Variants in RYR3 observed in about 807,000 individuals in gnomAD.
The protein encoded by RYR3 is ryanodine receptor 3.
A neutral mutation model predicts 584.3 loss-of-function variants in RYR3; 207 were observed. The ratio of observed to expected loss-of-function variants is 0.35; its 90% confidence interval spans 0.32 to 0.40. The LOEUF (loss-of-function observed/expected upper bound fraction) is 0.40, where lower values mean the gene tolerates loss of function less well. RYR3 is among the 10% of genes least tolerant of loss of function. The pLI, the probability that RYR3 is intolerant of heterozygous loss-of-function variation, is 1.00. For missense variants in RYR3, 5,616 were observed against 6,089.2 expected, an observed-to-expected ratio of 0.92 and a Z score of 2.59; for synonymous variants, 2,416 against 2,248.5, an observed-to-expected ratio of 1.07 and a Z score of -2.11.
rs771512839 is a variant in RYR3, at chr15:33,838,722, A to G, written c.12742A>G (p.Met4248Val). The change falls in exon 89 of 104, where the codon ATG becomes GTG. Residue 4248 changes from methionine to valine, a missense_variant. By Grantham distance (21) the Met-to-Val change is conservative. Transcript: ENST00000634891. ...PTQFGIHDDT[M>V]EAERAEVMEP... ...CCAATTTGGTATCCATGATGACACT[A>G]TGGAGGCTGAGAGGGCAGAGGTGAT... is the stretch of plus-strand genomic sequence containing the variant. 6.8e-6 allele frequency: 11 copies of G among 1,613,788 alleles called. No homozygotes were observed. Among genetic ancestry groups the G allele is most frequent in the Non-Finnish European group, 9.3e-6 (11 of 1,179,888 alleles).
chr15:33,501,310 G>C (rs2051965724), intron 2 of RYR3, among the ~76,000 whole-genome samples: 1 of 149,510 alleles, frequency 6.7e-6, no homozygotes, highest in South Asian at 2.1e-4. Context: ...CCTGTCTCCT[G>C]TCTCAAACCA....
At chr15:33,458,087 CA>C (rs1471277830) in intron 1 of RYR3, among the ~76,000 whole-genome samples, 1 of 152,078 alleles carries the variant, frequency 6.6e-6, no homozygotes. Flanking sequence ...AAGGGATGCC[CA>C]GATAGCTGGT....
intron 1 of RYR3, among the ~76,000 whole-genome samples, chr15:33,435,117 G>A (rs1207668526): frequency 6.6e-6 from 1 of 152,042 alleles, no homozygotes; most frequent in South Asian, 2.1e-4. Context: ...ACCGTGCCCT[G>A]CCATTTACAT....
intron 1 of RYR3, among the ~76,000 whole-genome samples, chr15:33,442,793 C>A (rs2046337930): frequency 6.6e-6 from 1 of 152,368 alleles, no homozygotes; most frequent in South Asian, 2.1e-4. Flanking sequence ...AGCCTCTGGA[C>A]AGCCAAAATA....
chr15:33,373,591 G>T (rs1450379642), intron 1 of RYR3, among the ~76,000 whole-genome samples: 1 of 152,142 alleles, frequency 6.6e-6, no homozygotes, highest in South Asian at 2.1e-4. Context: ...TGATACAATA[G>T]CTATTTCATA....
At chr15:33,707,883 T>A (rs183526532) in intron 43 of RYR3, among the ~76,000 whole-genome samples, 17 of 152,236 alleles carry the variant, frequency 1.1e-4, no homozygotes. Flanking sequence ...TGTGCTTTTC[T>A]TGTTGTCTCT....
intron 51 of RYR3, among the ~76,000 whole-genome samples, chr15:33,741,442 C>T (rs2070092903): frequency 1.3e-5 from 2 of 151,750 alleles, no homozygotes; most frequent in South Asian, 4.2e-4. Context: ...TTTGCCCAGT[C>T]ATATGCCCAT....
intron 75 of RYR3, 30 bp from the exon 76 acceptor site, chr15:33,818,548 C>A: frequency 6.5e-7 from 1 of 1,537,904 alleles, no homozygotes. Context: ...TAAATTCATG[C>A]CTAAAACCTA....
chr15:33,381,217 T>C (rs575312884), intron 1 of RYR3, among the ~76,000 whole-genome samples: 108 of 152,130 alleles, frequency 7.1e-4, no homozygotes, highest in Non-Finnish European at 1.2e-3. Context: ...TCTTAGAACA[T>C]TGGAGAGAAA....
chr15:33,668,154 A>G (rs1309556518), intron 36 of RYR3, among the ~76,000 whole-genome samples: 1 of 150,960 alleles, frequency 6.6e-6, no homozygotes, highest in African/African-American at 2.4e-5. Flanking sequence ...GAAAATACAA[A>G]AAAAAAAAAG....
intron 67 of RYR3, 127 bp downstream of exon 67, chr15:33,788,585 T>A: frequency 9.7e-7 from 1 of 1,032,188 alleles, no homozygotes; most frequent in Non-Finnish European, 1.4e-6. Context: ...GCCCCCACCA[T>A]TCTCCTTCCC....
chr15:33,649,225 G>T lies in RYR3; in HGVS notation c.4132G>T (p.Val1378Phe), dbSNP rs1459519676. Reference sequence around the variant, plus strand: ...CACCCTAGGGGATGAAAGAGGCCGGGTCCATGAAAGGTAAGGGGGCTCCCA... The same window carrying T: ...CACCCTAGGGGATGAAAGAGGCCGGTTCCATGAAAGGTAAGGGGGCTCCCA... Reference protein sequence around the residue: ...TVTLGDERGRVHESVKRSNCY... With the variant: ...TVTLGDERGRFHESVKRSNCY... Residue 1378 changes from valine (V) to phenylalanine (F), a missense_variant, in exon 31 of 104, where the codon GTC becomes TTC. This residue lies in a region of RYR3 where 753 missense variants were observed against 741.0 expected (regional missense o/e 1.02). Transcript: ENST00000634891. 2 of 1,612,158 alleles carry T rather than the reference G, an allele frequency of 1.2e-6. No homozygotes were observed. Among genetic ancestry groups the T allele is most frequent in the South Asian group, 2.2e-5 (2 of 91,010 alleles).
In RYR3 at chr15:33,336,520, AGGAG is replaced by A. The variant is rs1567047537; in HGVS notation, c.51+25428_51+25431del. Among the ~76,000 whole-genome samples, 13 of 75,788 alleles carry A rather than the reference AGGAG, an allele frequency of 1.7e-4. 2 individuals are homozygous for A. The highest frequency in any genetic ancestry group is 7.8e-4 in the African/African-American group (13 of 16,582). The allele number at this position is 75,788 out of a possible 152,430, so 49.7% of individuals were successfully genotyped here. A position where few individuals can be genotyped will look rare whatever the true frequency, so the allele number is the denominator to read the frequency against. On this transcript the variant is annotated intron_variant, in intron 1 of 103. Transcript: ENST00000634891. The stretch of plus-strand genomic sequence containing the variant: ...AAAGAAAGAAGGAGGGAAGGAGGGA[AGGAG>A]GGAAGGAGGGAAGGAGGGAAGGAGG...
Position 33,387,861 on chromosome 15 carries a change from CAAT to C in RYR3, c.51+76766_51+76768del, listed in dbSNP as rs369725053. The stretch of plus-strand genomic sequence containing the variant: ...TTGAGGCAGGTATAATAGAGAAAAA[CAAT>C]GATGGAGAATGTGAGAGAAAAGATA... On this transcript the variant is annotated intron_variant, in intron 1 of 103. Transcript: ENST00000634891. Among the ~76,000 whole-genome samples the C allele has an allele frequency of 2.2e-4, 34 of 151,816 alleles. 1 individual carries two copies. In the East Asian group the frequency reaches 6.0e-3, roughly 27 times the overall value.
chr15:33,791,997 A>AT (rs2075191007), intron 67 of RYR3, among the ~76,000 whole-genome samples: 2 of 152,138 alleles, frequency 1.3e-5, no homozygotes, highest in Non-Finnish European at 2.9e-5. Flanking sequence ...TGACCATGGG[A>AT]TTGCATACTG....
intron 1 of RYR3, among the ~76,000 whole-genome samples, chr15:33,377,236 T>A (rs1295394771): frequency 1.3e-5 from 2 of 152,180 alleles, no homozygotes; most frequent in Non-Finnish European, 2.9e-5. Context: ...CAGTAAAAGT[T>A]TGTTTCTTGC....
At chr15:33,734,179 T>C (rs4780168) in intron 48 of RYR3, among the ~76,000 whole-genome samples, 42,704 of 151,772 alleles carry the variant, frequency 0.28, 7,109 homozygotes, top group African/African-American at 0.47. Context: ...GAGATCTCCT[T>C]CCCAAACCAG....
chr15:33,594,193 A>G (rs1220960718), intron 16 of RYR3, among the ~76,000 whole-genome samples: 2 of 152,242 alleles, frequency 1.3e-5, no homozygotes, highest in Non-Finnish European at 2.9e-5. Flanking sequence ...TATTGGCTCC[A>G]TAAGTCAAGT....
chr15:33,845,192 C>T (rs1216000470), intron 93 of RYR3, 130 bp downstream of exon 93: 1 of 792,752 alleles, frequency 1.3e-6, no homozygotes, highest in Middle Eastern at 3.7e-4. Flanking sequence ...AGAGCAGCAG[C>T]AGCACATCAC....
Sources: allele counts gnomAD v4.1 joint callset (sites outside exome capture counted in the v4.1 genomes callset), GRCh38; gene constraint gnomAD v4.1.1; regional missense constraint gnomAD v4.1.1; transcripts MANE v1.5; gene names NCBI Gene and HGNC (gene_info 2026-07-23, HGNC 2026-07-21).